The following FAM135A variants were observed in gnomAD, a reference collection of about 807,000 sequenced individuals.
FAM135A encodes protein FAM135A.
A neutral mutation model predicts 146.8 loss-of-function variants in FAM135A; 79 were observed. That is an observed-to-expected ratio of 0.54 (90% confidence interval 0.45 to 0.65). The LOEUF is 0.65. FAM135A is among the 30% of genes least tolerant of loss of function. FAM135A has a pLI of 0.00. For synonymous variants in FAM135A, 562 were observed against 603.6 expected, an observed-to-expected ratio of 0.93 and a Z score of 1.01; for missense variants, 1,623 against 1,758.2, an observed-to-expected ratio of 0.92 and a Z score of 1.38.
intron 11 of FAM135A, among the ~76,000 whole-genome samples, chr6:70,500,196 T>G (rs1252702457): frequency 6.6e-6 from 1 of 152,218 alleles, no homozygotes; most frequent in Non-Finnish European, 1.5e-5. Context: ...TTCTTTTTTG[T>G]CTAATCTTGT....
chr6:70,502,706 T>A lies in FAM135A; in HGVS notation c.944T>A (p.Met315Lys). ...CTTGCGCAACTTTGCTCACTTTTGATGGCTTTATGGGGACAGTTTCTGGAA... is the reference window on the plus strand; with the variant it reads ...CTTGCGCAACTTTGCTCACTTTTGAAGGCTTTATGGGGACAGTTTCTGGAA... ...MNLAQLCSLL[M>K]ALWGQFLEVI... is the part of the protein sequence containing the mutation. The change falls in exon 12 of 22, where the codon ATG becomes AAG. Residue 315 changes from methionine to lysine, a missense_variant. Physicochemically the swap from Met to Lys is moderately conservative, Grantham distance 95 (BLOSUM62 -1). Coordinates refer to ENST00000418814, the MANE Select transcript of FAM135A (RefSeq NM_001162529.3). 1 of 1,613,492 alleles carries A rather than the reference T, an allele frequency of 6.2e-7. No individual in the cohort carries two copies. Among genetic ancestry groups the A allele is most frequent in the South Asian group, 1.1e-5 (1 of 91,014 alleles).
intron 10 of FAM135A, among the ~76,000 whole-genome samples, chr6:70,485,950 T>C (rs1297844684): frequency 6.6e-6 from 1 of 152,246 alleles, no homozygotes; most frequent in Non-Finnish European, 1.5e-5. Flanking sequence ...AATTAAGACA[T>C]ATTGGATTAT....
intron 4 of FAM135A, among the ~76,000 whole-genome samples, chr6:70,439,354 A>T (rs1018918771): frequency 2.0e-5 from 3 of 152,130 alleles, no homozygotes; most frequent in African/African-American, 7.2e-5. Context: ...ATCATTATGA[A>T]AAGACCCTGT....
intron 2 of FAM135A, among the ~76,000 whole-genome samples, chr6:70,416,456 G>C (rs1167427438): frequency 6.6e-6 from 1 of 152,068 alleles, no homozygotes; most frequent in Non-Finnish European, 1.5e-5. Context: ...GGCTGTTTAG[G>C]GGGTAGAAAA....
intron 12 of FAM135A, among the ~76,000 whole-genome samples, chr6:70,515,753 A>G (rs1792050540): frequency 6.6e-6 from 1 of 152,160 alleles, no homozygotes; most frequent in Non-Finnish European, 1.5e-5. Context: ...TAAATAATGG[A>G]CTTTAATATT....
intron 19 of FAM135A, 37 bp downstream of exon 19, chr6:70,536,448 A>C: frequency 6.8e-7 from 1 of 1,463,890 alleles, no homozygotes; most frequent in Non-Finnish European, 9.1e-7. Flanking sequence ...AAAATATGGA[A>C]TAGGGAGAAA....
intron 3 of FAM135A, 37 bp from the exon 4 acceptor site, chr6:70,428,267 T>TA: frequency 2.0e-6 from 2 of 1,014,164 alleles, no homozygotes; most frequent in Non-Finnish European, 2.9e-6. Context: ...GCATTTTTGT[T>TA]ACGCTTCTCA....
Position 70,552,418 on chromosome 6 carries a change from G to A in FAM135A, c.4229-4332G>A, listed in dbSNP as rs73489065. The stretch of plus-strand genomic sequence containing the variant: ...TGAATGGCAGCAGGAGCGGCGGGGC[G>A]AGGGGGAAGGCAAGAGGAGGTAGTA... On this transcript the variant is annotated intron_variant, in intron 20 of 21. Transcript: ENST00000418814. 3.9e-3 allele frequency among the ~76,000 whole-genome samples: 589 copies of A among 151,352 alleles called. 2 individuals carry two copies. Among genetic ancestry groups the A allele is most frequent in the African/African-American group, 0.014 (568 of 41,196 alleles).
chr6:70,465,989 G>A (rs60658356), intron 5 of FAM135A, among the ~76,000 whole-genome samples: 13,688 of 152,070 alleles, frequency 0.09, 1,642 homozygotes, highest in African/African-American at 0.28. Flanking sequence ...CACAGCCTAA[G>A]TTCACCCCCA....
Position 70,511,149 on chromosome 6 carries a change from G to A in FAM135A, c.1029+8358G>A, listed in dbSNP as rs569230355. On this transcript the variant is annotated intron_variant, in intron 12 of 21. Coordinates refer to ENST00000418814, the MANE Select transcript of FAM135A (RefSeq NM_001162529.3). ...GGGTTGTTTGTCTTTTTGTTGTTGA[G>A]TTTCAGTTATTTATATATTCTGGTA... Among the ~76,000 whole-genome samples the A allele has an allele frequency of 1.8e-4, 27 of 151,942 alleles. No homozygotes were observed. The East Asian group carries it at 5.2e-3, about 29-fold the overall frequency.
intron 2 of FAM135A, among the ~76,000 whole-genome samples, chr6:70,419,345 G>A (rs935798565): frequency 2.0e-5 from 3 of 152,122 alleles, no homozygotes; most frequent in African/African-American, 7.2e-5. Flanking sequence ...CTTGAACCTG[G>A]GAGGCAGAAG....
At chr6:70,507,501 CTCCT>C (rs1202725862) in intron 12 of FAM135A, among the ~76,000 whole-genome samples, 1 of 152,084 alleles carries the variant, frequency 6.6e-6, no homozygotes, top group Admixed American at 6.6e-5. Context: ...TATGAAATCT[CTCCT>C]TATTGGTGTG....
rs557987608 is a variant in FAM135A, at chr6:70,544,118, A to G, written c.4228+5717A>G. On this transcript the variant is annotated intron_variant, in intron 20 of 21. Transcript: ENST00000418814. ...AAACTTAGTAAATGGTAAAAAAAAA[A>G]AAATGAATAAATGACTTAAATAAGC... Among the ~76,000 whole-genome samples the G allele has an allele frequency of 4.1e-3, 629 of 152,294 alleles. 9 individuals carry two copies. Among genetic ancestry groups the G allele is most frequent in the African/African-American group, 0.015 (608 of 41,572 alleles).
At chr6:70,443,483 C>A (rs1211248047) in intron 4 of FAM135A, among the ~76,000 whole-genome samples, 1 of 152,208 alleles carries the variant, frequency 6.6e-6, no homozygotes, top group Non-Finnish European at 1.5e-5. Flanking sequence ...TGTAGTATAA[C>A]CAGCAGGTTT....
chr6:70,486,259 A>G, intron 10 of FAM135A: 1 of 1,608,668 alleles, frequency 6.2e-7, no homozygotes, highest in Non-Finnish European at 8.5e-7. Context: ...GTTTACAAAT[A>G]GCTTAAGTAA....
At chr6:70,549,021 T>C (rs1430941841) in intron 20 of FAM135A, among the ~76,000 whole-genome samples, 1 of 152,146 alleles carries the variant, frequency 6.6e-6, no homozygotes, top group African/African-American at 2.4e-5. Context: ...TGCTATACAG[T>C]ATTGATGAGT....
At chr6:70,556,021 G>A (rs1265738774) in intron 20 of FAM135A, among the ~76,000 whole-genome samples, 1 of 151,996 alleles carries the variant, frequency 6.6e-6, no homozygotes, top group East Asian at 1.9e-4. Flanking sequence ...TGAGAGGTGG[G>A]CAGATCACTT....
chr6:70,472,359 A>G (rs1382750681), intron 5 of FAM135A, among the ~76,000 whole-genome samples: 1 of 152,148 alleles, frequency 6.6e-6, no homozygotes, highest in Non-Finnish European at 1.5e-5. Flanking sequence ...CCCTTTAAGT[A>G]TATGTTTCCC....
chr6:70,494,309 T>C (rs1369129995), intron 11 of FAM135A, among the ~76,000 whole-genome samples: 1 of 151,890 alleles, frequency 6.6e-6, no homozygotes, highest in African/African-American at 2.4e-5. Context: ...TGGGAAAATA[T>C]ATATATAAGA....
Sources: gnomAD v4.1 joint callset for allele counts (sites outside exome capture counted in the v4.1 genomes callset) on GRCh38, gnomAD v4.1.1 for gene constraint, MANE v1.5 for transcripts, NCBI Gene and HGNC (gene_info 2026-07-23, HGNC 2026-07-21) for gene names.